The following COPS2 variants were observed in gnomAD, a reference collection of about 807,000 sequenced individuals.
COPS2 encodes COP9 signalosome complex subunit 2.
Under a neutral mutation model 66.1 loss-of-function variants are expected in COPS2, and 10 were observed. The ratio of observed to expected loss-of-function variants is 0.15; its 90% CI spans 0.09 to 0.26. COPS2 has a LOEUF of 0.26. COPS2 is among the 10% of genes least tolerant of loss of function. The pLI is 1.00. For missense variants in COPS2, 215 were observed against 513.3 expected, an observed-to-expected ratio of 0.42 and a Z score of 5.62; for synonymous variants, 179 against 171.3, an observed-to-expected ratio of 1.04 and a Z score of -0.35.
rs1315643612 is a variant in COPS2, at chr15:49,127,178, T to C, written c.*772A>G. 1 of 152,220 alleles carries C rather than the reference T, an allele frequency of 6.6e-6. No homozygotes were observed. The highest frequency in any genetic ancestry group is 1.5e-5 in the Non-Finnish European group (1 of 68,010). The allele number at this position is 152,220 out of a possible 1,614,324, so 9.4% of individuals were successfully genotyped here. ...GTGTTTTGTTAGAAAGTAGTTCTCCTTACTCTATCAATAAAGACTACTTTT... is the reference window on the plus strand; with the variant it reads ...GTGTTTTGTTAGAAAGTAGTTCTCCCTACTCTATCAATAAAGACTACTTTT... On this transcript the variant is annotated 3_prime_UTR_variant, in exon 13 of 13. Coordinates refer to ENST00000388901, the MANE Select transcript of COPS2 (RefSeq NM_004236.4).
In COPS2 at chr15:49,155,021, T is replaced by C. The variant is rs532149410; in HGVS notation, c.54+504A>G. 1.5e-4 allele frequency among the ~76,000 whole-genome samples: 23 copies of C among 152,354 alleles called. No individual in the cohort carries two copies. In the East Asian group the frequency reaches 4.2e-3, roughly 28 times the overall value. On this transcript the variant is annotated intron_variant, in intron 1 of 12. Coordinates refer to ENST00000388901, the MANE Select transcript of COPS2 (RefSeq NM_004236.4). ...CCCTGGCAAGACTATTTAAGCTATG[T>C]CTCCAGGAGACTCACAAGTTGCGTT...
chr15:49,122,949 C>A lies in COPS2; in HGVS notation c.*5001G>T, dbSNP rs1416046122. 3.9e-5 allele frequency: 6 copies of A among 152,150 alleles called. No homozygotes were observed. The highest frequency in any genetic ancestry group is 9.7e-5 in the African/African-American group (4 of 41,440). The allele number at this position is 152,150 out of a possible 1,614,324, so 9.4% of individuals were successfully genotyped here. A position where few individuals can be genotyped will look rare whatever the true frequency, so the allele number is the denominator to read the frequency against. Reference sequence around the variant, plus strand: ...TAGTGTTAGCTCAAGGAATTTGATACCTTTTATATTAGCTTATCATAAACA... The same window carrying A: ...TAGTGTTAGCTCAAGGAATTTGATAACTTTTATATTAGCTTATCATAAACA... On this transcript the variant is annotated 3_prime_UTR_variant, in exon 13 of 13. Transcript: ENST00000388901.
chr15:49,153,677 G>A (rs577556642), intron 1 of COPS2, among the ~76,000 whole-genome samples: 2 of 152,038 alleles, frequency 1.3e-5, no homozygotes, highest in Non-Finnish European at 2.9e-5. Context: ...AAGAAAATGT[G>A]GTATATATAC....
chr15:49,154,826 G>A (rs975852818), intron 1 of COPS2, among the ~76,000 whole-genome samples: 2 of 152,096 alleles, frequency 1.3e-5, no homozygotes, highest in Non-Finnish European at 2.9e-5. Context: ...AATTTCTAAG[G>A]GAAAAGCCAT....
chr15:49,137,207 T>C lies in COPS2; in HGVS notation c.483A>G (p.Glu161=), dbSNP rs774172229. The C allele has an allele frequency of 2.5e-6, 4 of 1,605,066 alleles. No homozygotes were observed. In the East Asian group the frequency reaches 8.9e-5, roughly 36 times the overall value. The part of the protein sequence containing the change: ...TNTKLGKLYL[E]REEYGKLQKI... ...TTTGAAGCTTTCCATATTCCTCTCG[T>C]TCTAAATATAATTTTCCAAGCTGCA... The change falls in exon 6 of 13, where the codon GAA becomes GAG. Residue 161 remains glutamate (E), a synonymous_variant. Transcript: ENST00000388901.
chr15:49,138,720 C>T (rs568994), intron 4 of COPS2, among the ~76,000 whole-genome samples: 41,763 of 151,882 alleles, frequency 0.27, 6,234 homozygotes, highest in East Asian at 0.43. Flanking sequence ...AAAAAAATGA[C>T]ATCTAGTAGA....
rs1266840838 is a variant in COPS2 at position 49,123,058 on chromosome 15, T to C, written c.*4892A>G. 1 of 152,214 alleles carries C rather than the reference T, an allele frequency of 6.6e-6. No homozygotes were observed. Among genetic ancestry groups the C allele is most frequent in the East Asian group, 1.9e-4 (1 of 5,204 alleles). The allele number at this position is 152,214 out of a possible 1,614,324, so 9.4% of individuals were successfully genotyped here. On this transcript the variant is annotated 3_prime_UTR_variant, in exon 13 of 13. Transcript: ENST00000388901. ...TTCTATTTTCCATGTCATTGCTCCA[T>C]TTCTTGAAATATATTTTAATTTTCT...
At chr15:49,132,880 C>T (rs1413698769) in intron 9 of COPS2, among the ~76,000 whole-genome samples, 1 of 151,966 alleles carries the variant, frequency 6.6e-6, no homozygotes, top group African/African-American at 2.4e-5. Context: ...AGTGGTTAAC[C>T]ATCATTACAT....
chr15:49,129,118 C>CT (rs989349221), intron 11 of COPS2, among the ~76,000 whole-genome samples: 1 of 152,054 alleles, frequency 6.6e-6, no homozygotes, highest in African/African-American at 2.4e-5. Flanking sequence ...AGGCTCTTTT[C>CT]TGTTAACTCA....
chr15:49,134,216 T>A, intron 7 of COPS2, 108 bp from the exon 8 acceptor site: 3 of 1,404,442 alleles, frequency 2.1e-6, no homozygotes, highest in South Asian at 1.4e-5. Context: ...TTTCAGTTTT[T>A]AAATTCTGTA....
At chr15:49,143,804 G>A (rs2084303628) in intron 3 of COPS2, among the ~76,000 whole-genome samples, 2 of 152,076 alleles carry the variant, frequency 1.3e-5, no homozygotes, top group Admixed American at 6.5e-5. Context: ...GGCTAACATG[G>A]TGAAAGCCCG....
At chr15:49,146,024 A>C (rs1360456092) in intron 1 of COPS2, among the ~76,000 whole-genome samples, 2 of 152,174 alleles carry the variant, frequency 1.3e-5, no homozygotes, top group Non-Finnish European at 2.9e-5. Flanking sequence ...TTCTAAATCC[A>C]AATACAGGTA....
At chr15:49,155,430 C>T (rs1253531702) in intron 1 of COPS2, 95 bp downstream of exon 1, 1 of 1,134,982 alleles carries the variant, frequency 8.8e-7, no homozygotes, top group African/African-American at 1.5e-5. Context: ...CTGTAAACGG[C>T]ACATGCTCTA....
chr15:49,130,009 T>C (rs1053840376), intron 10 of COPS2, among the ~76,000 whole-genome samples: 3 of 152,180 alleles, frequency 2.0e-5, no homozygotes, highest in African/African-American at 4.8e-5. Context: ...TTGAAATTCA[T>C]GTACAAAGAT....
At chr15:49,153,936 CAGTT>C (rs994360465) in intron 1 of COPS2, among the ~76,000 whole-genome samples, 1 of 152,022 alleles carries the variant, frequency 6.6e-6, no homozygotes, top group African/African-American at 2.4e-5. Flanking sequence ...TACAAACCAA[CAGTT>C]AGATAGAAGG....
At chr15:49,139,375 C>A in intron 4 of COPS2, 153 bp downstream of exon 4, 2 of 599,992 alleles carry the variant, frequency 3.3e-6, no homozygotes, top group South Asian at 2.2e-5. Context: ...GTAATATAAC[C>A]AGGAAAATAG....
Position 49,130,719 on chromosome 15 carries a change from C to A in COPS2, c.1045G>T (p.Glu349Ter). Residue 349 changes from glutamate to a stop codon, truncating the protein, a stop_gained and splice_region_variant, in exon 10 of 13, where the codon GAG becomes TAG. Coordinates refer to ENST00000388901, the MANE Select transcript of COPS2 (RefSeq NM_004236.4). LOFTEE classifies it high-confidence loss of function. ...DDPFIREHIE[E>*]LLRNIRTQVL... ...AATCCAGTTGGCAGAAAGAACATAC[C>A]TTCAATGTGTTCTCTTATGAAAGGA... is the stretch of plus-strand genomic sequence containing the variant. The A allele has an allele frequency of 6.4e-7, 1 of 1,560,998 alleles. No individual in the cohort carries two copies. Among genetic ancestry groups the A allele is most frequent in the Non-Finnish European group, 8.8e-7 (1 of 1,137,002 alleles).
chr15:49,143,169 C>T (rs942174473), intron 3 of COPS2, among the ~76,000 whole-genome samples: 1 of 152,108 alleles, frequency 6.6e-6, no homozygotes, highest in African/African-American at 2.4e-5. Context: ...CAAGCCTTTA[C>T]ACAGGATTGT....
chr15:49,137,979 C>A (rs2084265632), intron 4 of COPS2: 1 of 152,250 alleles, frequency 6.6e-6, no homozygotes, highest in South Asian at 2.1e-4. Context: ...GTGGCAAACA[C>A]TAAGCATGCT....
Sources: allele counts gnomAD v4.1 joint callset (sites outside exome capture counted in the v4.1 genomes callset), GRCh38; gene constraint gnomAD v4.1.1; transcripts MANE v1.5; gene names NCBI Gene and HGNC (gene_info 2026-07-23, HGNC 2026-07-21).